The following STAG2 variants were observed in gnomAD, a reference collection of about 807,000 sequenced individuals.
STAG2 encodes the protein STAG2 cohesin complex component, also known as cohesin subunit SA-2.
A neutral mutation model predicts 108.1 loss-of-function variants in STAG2; 14 were observed. The ratio of observed to expected loss-of-function variants is 0.13; its 90% CI spans 0.09 to 0.20. The LOEUF (loss-of-function observed/expected upper bound fraction) is 0.20, where lower values mean the gene tolerates loss of function less well. Ranked by LOEUF, STAG2 falls within the 10% of genes least tolerant of loss-of-function variation. STAG2 has a pLI of 1.00. For synonymous variants in STAG2, 307 were observed against 302.7 expected (o/e 1.01, Z -0.15); for missense variants, 440 against 940.9 (o/e 0.47, Z 6.96).
At chrX:124,049,144 T>G in intron 10 of STAG2, 66 bp downstream of exon 10, 4 of 891,971 alleles carry the variant, frequency 4.5e-6, no homozygotes, top group Non-Finnish European at 4.8e-6. Flanking sequence ...TTTGCATATT[T>G]CGTGGTGTAG....
chrX:123,968,596 G>T (rs999824025), intron 1 of STAG2, among the ~76,000 whole-genome samples: 11 of 111,883 alleles, frequency 9.8e-5, no homozygotes, highest in Admixed American at 9.4e-5. Context: ...AGCAGGTTGA[G>T]CCTGCAGTGA....
chrX:124,053,948 T>C (rs1449907022), intron 13 of STAG2, among the ~76,000 whole-genome samples: 2 of 112,331 alleles, frequency 1.8e-5, no homozygotes, highest in Non-Finnish European at 3.8e-5. Context: ...TTTAAACATA[T>C]GAAAAGATGT....
At chrX:124,012,302 A>G (rs1252877546) in intron 1 of STAG2, among the ~76,000 whole-genome samples, 1 of 111,927 alleles carries the variant, frequency 8.9e-6, no homozygotes, top group African/African-American at 3.2e-5. Flanking sequence ...TTTAAAATGT[A>G]ATTTGCATGC....
intron 24 of STAG2, among the ~76,000 whole-genome samples, chrX:124,070,564 A>G (rs138997493): frequency 3.4e-3 from 382 of 112,270 alleles, no homozygotes; most frequent in African/African-American, 0.011. Flanking sequence ...TTATTATAAT[A>G]TGTTCAGGTT....
Position 123,988,189 on chromosome X carries a change from G to C in STAG2, c.-163+26333G>C, listed in dbSNP as rs753130851. On this transcript the variant is annotated intron_variant, in intron 1 of 34. Coordinates refer to ENST00000371145, the MANE Select transcript of STAG2 (RefSeq NM_001042750.2). ...TTAAAACAGTCAGGGGTTCCACCTA[G>C]ATGATGTGGTTTATAGTATATTGTA... Among the ~76,000 whole-genome samples, 5 of 111,988 alleles carry C rather than the reference G, an allele frequency of 4.5e-5. No homozygotes were observed. In the East Asian group the frequency reaches 1.4e-3, roughly 31 times the overall value.
chrX:123,985,737 ATT>A (rs747850533), intron 1 of STAG2, among the ~76,000 whole-genome samples: 3 of 101,594 alleles, frequency 3.0e-5, no homozygotes. Context: ...TACCAGGCTA[ATT>A]TTTTTTTTTT....
In STAG2 at chrX:124,070,273, G is replaced by A. The variant is rs1046738220; in HGVS notation, c.2359-876G>A. Among the ~76,000 whole-genome samples, 5 of 111,843 alleles carry A rather than the reference G, an allele frequency of 4.5e-5. No individual in the cohort carries two copies. In the East Asian group the frequency reaches 1.4e-3, roughly 31 times the overall value. On this transcript the variant is annotated intron_variant, in intron 24 of 34. Transcript: ENST00000371145. ...GTATAAATTACTACTATAGTAGTTA[G>A]GAGAAGAGACTGAAGGAAGGGGTAA...
intron 1 of STAG2, among the ~76,000 whole-genome samples, chrX:123,985,313 T>TTGGC (rs1222572319): frequency 9.0e-6 from 1 of 111,184 alleles, no homozygotes; most frequent in East Asian, 2.8e-4. Flanking sequence ...CATTGTAGCC[T>TTGGC]TGGCGTCCTG....
chrX:124,029,153 A>G (rs1256641343), intron 4 of STAG2, among the ~76,000 whole-genome samples: 1 of 106,305 alleles, frequency 9.4e-6, no homozygotes, highest in Admixed American at 1.0e-4. Context: ...AGTAGCTGGG[A>G]CTGCAGGTGC....
At chrX:124,036,839 T>TTGTA (rs934384780) in intron 5 of STAG2, among the ~76,000 whole-genome samples, 3 of 111,322 alleles carry the variant, frequency 2.7e-5, no homozygotes, top group Non-Finnish European at 3.8e-5. Context: ...AAATTCAGAG[T>TTGTA]TGTACAGCCA....
At position 124,021,227 on chromosome X, in the gene STAG2, T is replaced by G. The variant is rs772411173; in HGVS notation, c.-162-140T>G. The G allele has an allele frequency of 8.9e-5, 10 of 112,078 alleles. No individual in the cohort carries two copies. In the South Asian group the frequency reaches 1.8e-3, roughly 21 times the overall value. 9.2% of individuals were successfully genotyped at this position (112,078 alleles called of 1,213,427 possible). A position where few individuals can be genotyped will look rare whatever the true frequency, so the allele number is the denominator to read the frequency against. On this transcript the variant is annotated intron_variant, in intron 1 of 34. Transcript: ENST00000371145. ...CCATTGATGATGTTTTCTAGAGAGA[T>G]AAAATTACCAAGACAAATTGAGCTG...
At chrX:124,072,904 CTT>C (rs779996801) in intron 25 of STAG2, among the ~76,000 whole-genome samples, 8,743 of 71,767 alleles carry the variant, frequency 0.12, 355 homozygotes, top group South Asian at 0.25. Context: ...TTCTTTCTTT[CTT>C]TTTTTTTTTT....
At chrX:124,052,583 A>C (rs903508538) in intron 13 of STAG2, among the ~76,000 whole-genome samples, 1 of 111,255 alleles carries the variant, frequency 9.0e-6, no homozygotes, top group Admixed American at 9.6e-5. Flanking sequence ...GGACATTTGG[A>C]CTGTTTCCAA....
chrX:124,086,965 A>G (rs1026951850), intron 30 of STAG2, among the ~76,000 whole-genome samples, 195 bp downstream of exon 30: 6 of 112,350 alleles, frequency 5.3e-5, no homozygotes, highest in African/African-American at 1.9e-4. Context: ...GTACATCTTC[A>G]TTTTTCAGAT....
chrX:124,048,967 C>T, intron 9 of STAG2, 38 bp from the exon 10 acceptor site: 1 of 1,102,665 alleles, frequency 9.1e-7, no homozygotes, highest in Non-Finnish European at 1.2e-6. Context: ...TGGTTGTCTT[C>T]CTTTACAATT....
At chrX:124,000,696 A>G (rs1209285397) in intron 1 of STAG2, among the ~76,000 whole-genome samples, 1 of 111,179 alleles carries the variant, frequency 9.0e-6, no homozygotes, top group Non-Finnish European at 1.9e-5. Context: ...AAAAAAAGAA[A>G]AAGTTAACTG....
At chrX:124,003,588 T>C (rs923827209) in intron 1 of STAG2, 4 of 108,880 alleles carry the variant, frequency 3.7e-5, no homozygotes, top group African/African-American at 1.3e-4. Flanking sequence ...CGCCCGGCAA[T>C]TTTTTTTGTA....
chrX:124,045,571 C>G (rs1305131084), intron 8 of STAG2, among the ~76,000 whole-genome samples: 1 of 111,274 alleles, frequency 9.0e-6, no homozygotes, highest in Non-Finnish European at 1.9e-5. Context: ...TATACTATAA[C>G]TAGTATTTGG....
chrX:124,021,688 TC>T (rs940469239), intron 2 of STAG2, among the ~76,000 whole-genome samples: 8 of 112,004 alleles, frequency 7.1e-5, no homozygotes, highest in African/African-American at 2.3e-4. Flanking sequence ...TAACATTTTT[TC>T]CCCCTTCTCT....
Sources: gnomAD v4.1 joint callset for allele counts (sites outside exome capture counted in the v4.1 genomes callset) on GRCh38, gnomAD v4.1.1 for gene constraint, MANE v1.5 for transcripts, NCBI Gene and HGNC (gene_info 2026-07-23, HGNC 2026-07-21) for gene names.